ANP32A: variants seen among roughly 807,000 people sequenced by gnomAD.
The protein encoded by ANP32A is acidic leucine-rich nuclear phosphoprotein 32 family member A.
ANP32A carries 1 observed loss-of-function variant against 33.9 expected under a neutral mutation model. The observed-to-expected ratio is 0.03, with a 90% CI of 0.01 to 0.14. The LOEUF is 0.14. Ranked by LOEUF, ANP32A falls within the 10% of genes least tolerant of loss-of-function variation. The pLI is 1.00. For missense variants in ANP32A, 155 were observed against 306.0 expected, an observed-to-expected ratio of 0.51 and a Z score of 3.68; for synonymous variants, 115 against 120.5, an observed-to-expected ratio of 0.95 and a Z score of 0.30.
At position 68,780,380 on chromosome 15, in the gene ANP32A, T is replaced by C. The variant is rs751802591; in HGVS notation, c.688+30A>G. ...GGCCAAAGTGAAAGGGCCAGGCTGC[T>C]ACCAGCTGAGAGTAAAAAGGCTGCC... On this transcript the variant is annotated intron_variant, in intron 6 of 6. Transcript: ENST00000465139. This position sits in a 1 kb window ranked among gnomAD's most constrained non-coding sequence, Gnocchi z 4.3. 2.5e-6 allele frequency: 4 copies of C among 1,613,882 alleles called. No homozygotes were observed. In the Admixed American group the frequency reaches 6.7e-5, roughly 27 times the overall value.
chr15:68,818,598 G>A (rs1170930087), intron 1 of ANP32A, among the ~76,000 whole-genome samples: 1 of 151,030 alleles, frequency 6.6e-6, no homozygotes, highest in African/African-American at 2.5e-5. Context: ...TCCCAGTACG[G>A]CGCGGTGCGC....
intron 1 of ANP32A, among the ~76,000 whole-genome samples, chr15:68,819,364 C>T (rs148912234): frequency 1.3e-5 from 2 of 152,348 alleles, no homozygotes; most frequent in African/African-American, 2.4e-5. Flanking sequence ...TAAAAACCAG[C>T]GTTCGAGTCA....
chr15:68,782,659 C>A, intron 5 of ANP32A: 1 of 390,490 alleles, frequency 2.6e-6, no homozygotes, highest in Non-Finnish European at 4.7e-6. Flanking sequence ...GAAAATGGGG[C>A]CATGCATTCT....
intron 1 of ANP32A, among the ~76,000 whole-genome samples, chr15:68,812,375 C>A (rs766030779): frequency 3.3e-5 from 5 of 152,104 alleles, no homozygotes; most frequent in African/African-American, 4.8e-5. Context: ...GGAGAAGGGG[C>A]TGGGGGAACA....
chr15:68,791,480 G>A (rs1411691594), intron 1 of ANP32A: 1 of 152,688 alleles, frequency 6.5e-6, no homozygotes, highest in African/African-American at 2.4e-5. Context: ...CCAGCCAGGT[G>A]GGCACCACCC....
rs1308767269 is a variant in ANP32A, at chr15:68,784,736, T to C, written c.328-141A>G. 4.0e-6 allele frequency: 4 copies of C among 994,096 alleles called. No homozygotes were observed. In the Admixed American group the frequency reaches 9.0e-5, roughly 22 times the overall value. 61.6% of individuals were successfully genotyped at this position (994,096 alleles called of 1,614,324 possible). A position where few individuals can be genotyped will look rare whatever the true frequency, so the allele number is the denominator to read the frequency against. On this transcript the variant is annotated intron_variant, in intron 3 of 6. Transcript: ENST00000465139. ...GGTGATAAGGAAGCTTGGATTTGGC[T>C]CTGCTTAGCCACAGTGTTTGCCCAG... is the stretch of plus-strand genomic sequence containing the variant.
At chr15:68,789,560 G>A (rs1398811993) in intron 1 of ANP32A, 1 of 152,368 alleles carries the variant, frequency 6.6e-6, no homozygotes, top group East Asian at 1.9e-4. Flanking sequence ...GAAAGGAGGT[G>A]GAAACAGAGT....
intron 1 of ANP32A, among the ~76,000 whole-genome samples, chr15:68,810,156 A>G (rs1375943420): frequency 6.6e-6 from 1 of 152,162 alleles, no homozygotes; most frequent in African/African-American, 2.4e-5. Context: ...GGGCAAGGGA[A>G]CAGATGACGG....
intron 2 of ANP32A, 45 bp downstream of exon 2, chr15:68,787,725 T>TGCCCCCCCC: frequency 1.9e-6 from 3 of 1,597,684 alleles, no homozygotes; most frequent in Non-Finnish European, 2.6e-6. Context: ...CCCTTCCCAC[T>TGCCCCCCCC]CCCCACCCCC....
At chr15:68,799,612 C>T (rs1240980082) in intron 1 of ANP32A, among the ~76,000 whole-genome samples, 1 of 152,158 alleles carries the variant, frequency 6.6e-6, no homozygotes, top group East Asian at 1.9e-4. Flanking sequence ...GAGGCTTCTA[C>T]CATGGCAGCC....
chr15:68,796,135 G>A (rs949470661), intron 1 of ANP32A, among the ~76,000 whole-genome samples: 1 of 152,184 alleles, frequency 6.6e-6, no homozygotes, highest in Non-Finnish European at 1.5e-5. Context: ...AAGCTGGCGT[G>A]CAGTGGCGTG....
intron 5 of ANP32A, among the ~76,000 whole-genome samples, chr15:68,782,039 G>A (rs892657516): frequency 3.3e-5 from 5 of 152,182 alleles, no homozygotes; most frequent in South Asian, 2.1e-4. Flanking sequence ...AGGAAACTGC[G>A]GGGGGAGTTG....
At chr15:68,789,009 G>A (rs1283875982) in intron 1 of ANP32A, among the ~76,000 whole-genome samples, 2 of 152,218 alleles carry the variant, frequency 1.3e-5, no homozygotes, top group Admixed American at 6.5e-5. Context: ...TAACCAGGTC[G>A]CAGGCATGAA....
At chr15:68,813,871 T>TTTG (rs1329172414) in intron 1 of ANP32A, among the ~76,000 whole-genome samples, 1 of 146,124 alleles carries the variant, frequency 6.8e-6, no homozygotes, top group Non-Finnish European at 1.5e-5. Flanking sequence ...CCAGGAAGTT[T>TTTG]TTTTTTTTTT....
intron 1 of ANP32A, among the ~76,000 whole-genome samples, chr15:68,801,001 G>GC (rs1894127463): frequency 3.8e-4 from 1 of 2,622 alleles, no homozygotes. Context: ...TGGAAGGGAA[G>GC]AAAGGAGGTG....
In ANP32A at chr15:68,785,293, C is replaced by T. The variant is rs1350245210; in HGVS notation, c.328-698G>A. On this transcript the variant is annotated intron_variant, in intron 3 of 6. Transcript: ENST00000465139. The stretch of plus-strand genomic sequence containing the variant: ...CACGATGTGCTCTGTCAAAGCTTTA[C>T]ACCAGACGGGTTCTAGCCAATGTTA... Among the ~76,000 whole-genome samples, 4 of 152,334 alleles carry T rather than the reference C, an allele frequency of 2.6e-5. No individual in the cohort carries two copies. The South Asian group carries it at 6.2e-4, about 24-fold the overall frequency.
intron 1 of ANP32A, among the ~76,000 whole-genome samples, chr15:68,798,542 C>T (rs1894091377): frequency 6.6e-6 from 1 of 152,200 alleles, no homozygotes; most frequent in African/African-American, 2.4e-5. Flanking sequence ...CTGTGACTCA[C>T]CCAAGGCTAC....
Position 68,779,904 on chromosome 15 carries a change from C to G in ANP32A, c.*177G>C, listed in dbSNP as rs1361821356. ...TAAAAATAGTATTTTATTCCACCCC[C>G]ACCCGCCATCCCTCCCCCCGCAACC... On this transcript the variant is annotated 3_prime_UTR_variant, in exon 7 of 7. Coordinates refer to ENST00000465139, the MANE Select transcript of ANP32A (RefSeq NM_006305.4). 1.5e-5 allele frequency: 8 copies of G among 529,512 alleles called. No homozygotes were observed. The East Asian group carries it at 2.5e-4, about 17-fold the overall frequency. 32.8% of individuals were successfully genotyped at this position (529,512 alleles called of 1,614,324 possible).
intron 1 of ANP32A, among the ~76,000 whole-genome samples, chr15:68,809,779 A>T (rs1380677961): frequency 6.6e-6 from 1 of 152,220 alleles, no homozygotes; most frequent in South Asian, 2.1e-4. Flanking sequence ...ACAAGAAGGT[A>T]TAAGTACCAC....
Sources: allele counts gnomAD v4.1 joint callset (sites outside exome capture counted in the v4.1 genomes callset), GRCh38; gene constraint gnomAD v4.1.1; non-coding constraint Gnocchi (gnomAD v3.1); transcripts MANE v1.5; gene names NCBI Gene and HGNC (gene_info 2026-07-23, HGNC 2026-07-21).